UBE2L3: variants seen among roughly 807,000 people sequenced by gnomAD.
The protein encoded by UBE2L3 is ubiquitin-conjugating enzyme E2 L3.
Under a neutral mutation model 17.8 loss-of-function variants are expected in UBE2L3, and 1 was observed. The observed-to-expected ratio is 0.06, with a 90% CI of 0.02 to 0.27. UBE2L3 has a LOEUF of 0.27. UBE2L3 is among the 10% of genes least tolerant of loss of function. The pLI is 1.00. For synonymous variants in UBE2L3, 44 were observed against 68.5 expected, an observed-to-expected ratio of 0.64 and a Z score of 1.76; for missense variants, 40 against 192.6, an observed-to-expected ratio of 0.21 and a Z score of 4.69.
chr22:21,618,329 C>T (rs1265835776), intron 3 of UBE2L3, among the ~76,000 whole-genome samples: 3 of 151,412 alleles, frequency 2.0e-5, no homozygotes, highest in South Asian at 2.1e-4. Context: ...CTTTGGGAGG[C>T]GGAGGCAGGT....
At chr22:21,608,085 CA>C (rs1161233006) in intron 2 of UBE2L3, among the ~76,000 whole-genome samples, 4 of 152,150 alleles carry the variant, frequency 2.6e-5, no homozygotes, top group Non-Finnish European at 5.9e-5. Flanking sequence ...AAGAAAACAA[CA>C]ATAAATAACA....
At chr22:21,572,279 C>A (rs1927010630) in intron 1 of UBE2L3, among the ~76,000 whole-genome samples, 1 of 151,650 alleles carries the variant, frequency 6.6e-6, no homozygotes, top group African/African-American at 2.4e-5. Context: ...ACTAAAAATC[C>A]AAAAAATTAG....
At chr22:21,605,434 G>A (rs139844063) in intron 2 of UBE2L3, among the ~76,000 whole-genome samples, 4 of 152,182 alleles carry the variant, frequency 2.6e-5, no homozygotes, top group African/African-American at 9.6e-5. Flanking sequence ...AGCCAGGATG[G>A]TCTCGATCTC....
At chr22:21,560,770 C>T (rs532696647) in intron 1 of UBE2L3, among the ~76,000 whole-genome samples, 369 of 150,126 alleles carry the variant, frequency 2.5e-3, no homozygotes, top group African/African-American at 8.6e-3. Context: ...TTCAATCACC[C>T]TCCTTCCTCT....
At chr22:21,588,465 T>TC (rs1405827467) in intron 1 of UBE2L3, among the ~76,000 whole-genome samples, 1 of 136,042 alleles carries the variant, frequency 7.4e-6, no homozygotes, top group African/African-American at 2.8e-5. Context: ...TCTTCTTTCT[T>TC]TTTTTTTTTT....
At chr22:21,557,428 A>C (rs1482674280) in intron 1 of UBE2L3, among the ~76,000 whole-genome samples, 4 of 152,274 alleles carry the variant, frequency 2.6e-5, no homozygotes, top group Non-Finnish European at 5.9e-5. Flanking sequence ...ATAAATAAAA[A>C]TAAATTAAAC....
chr22:21,608,207 C>T (rs1470741968), intron 2 of UBE2L3, among the ~76,000 whole-genome samples: 1 of 152,158 alleles, frequency 6.6e-6, no homozygotes, highest in Non-Finnish European at 1.5e-5. Context: ...ATGGTGCAGC[C>T]ACCTTGGAAG....
At chr22:21,587,845 G>A (rs1290457784) in intron 1 of UBE2L3, among the ~76,000 whole-genome samples, 2 of 152,160 alleles carry the variant, frequency 1.3e-5, no homozygotes, top group Non-Finnish European at 2.9e-5. Context: ...GGTTGAGTTT[G>A]GGGCATGGGT....
At position 21,592,728 on chromosome 22, in the gene UBE2L3, C is replaced by A. The variant is rs978121628; in HGVS notation, c.28-133C>A. ...CATGCCTCCTTAACCACTCCAAGCA[C>A]AGTTTAGTCCTCACTGTCCAATTTT... On this transcript the variant is annotated intron_variant, in intron 1 of 3. Transcript: ENST00000342192. The A allele has an allele frequency of 2.8e-5, 20 of 715,676 alleles. No individual in the cohort carries two copies. The African/African-American group carries it at 3.3e-4, about 12-fold the overall frequency. The allele number at this position is 715,676 out of a possible 1,614,324, so 44.3% of individuals were successfully genotyped here.
At position 21,604,596 on chromosome 22, in the gene UBE2L3, A is replaced by AT. The variant is rs538946497; in HGVS notation, c.124-6255dup. 7.2e-5 allele frequency among the ~76,000 whole-genome samples: 11 copies of AT among 152,226 alleles called. No homozygotes were observed. In the East Asian group the frequency reaches 1.5e-3, roughly 21 times the overall value. On this transcript the variant is annotated intron_variant, in intron 2 of 3. Transcript: ENST00000342192. ...TTCTGCAATGTTTTATAATATATAT[A>AT]TTTTTTACAACAAAACCATGTTTTT...
chr22:21,564,716 C>T (rs1291108176), upstream of UBE2L3, among the ~76,000 whole-genome samples: 1 of 152,212 alleles, frequency 6.6e-6, no homozygotes, highest in African/African-American at 2.4e-5. Flanking sequence ...ATGAACTGTG[C>T]TTCCTCAACT....
At chr22:21,567,670 TC>T (rs1159457541), upstream of UBE2L3, 38 of 1,550,650 alleles carry the variant, frequency 2.5e-5, no homozygotes, top group Non-Finnish European at 3.1e-5. Flanking sequence ...CCTCCCCCGC[TC>T]CAGGAAGTGC....
At chr22:21,591,455 G>A (rs1417043966) in intron 1 of UBE2L3, among the ~76,000 whole-genome samples, 1 of 152,224 alleles carries the variant, frequency 6.6e-6, no homozygotes, top group East Asian at 1.9e-4. Flanking sequence ...TGAAGCACCA[G>A]TGTGTTCCAC....
intron 2 of UBE2L3, among the ~76,000 whole-genome samples, chr22:21,594,030 C>T (rs1053622071): frequency 4.6e-5 from 7 of 152,168 alleles, no homozygotes; most frequent in South Asian, 2.1e-4. Flanking sequence ...GTCCACCAGG[C>T]GGCCTCACTT....
intron 1 of UBE2L3, among the ~76,000 whole-genome samples, chr22:21,582,616 C>T (rs1927706656): frequency 6.6e-6 from 1 of 152,166 alleles, no homozygotes; most frequent in Non-Finnish European, 1.5e-5. Flanking sequence ...ACCTCTGCCT[C>T]ATGGGTTCAA....
chr22:21,588,633 C>T (rs2148418393), intron 1 of UBE2L3, among the ~76,000 whole-genome samples: 1 of 151,742 alleles, frequency 6.6e-6, no homozygotes, highest in South Asian at 2.1e-4. Flanking sequence ...GCATGTACCA[C>T]CATGCCTGGC....
In UBE2L3 at chr22:21,618,580, A is replaced by AAT. The variant is rs547915475; in HGVS notation, c.311-2922_311-2921dup. On this transcript the variant is annotated intron_variant, in intron 3 of 3. Transcript: ENST00000342192. The stretch of plus-strand genomic sequence containing the variant: ...GACAGAGCGAGACTCCATCTCAAAA[A>AAT]ATATATATATATATTATTTTTTTTT... Among the ~76,000 whole-genome samples, 73 of 150,890 alleles carry AAT rather than the reference A, an allele frequency of 4.8e-4. 1 individual carries two copies. Among genetic ancestry groups the AAT allele is most frequent in the South Asian group, 2.3e-3 (11 of 4,784 alleles).
upstream of UBE2L3, among the ~76,000 whole-genome samples, chr22:21,566,750 C>G (rs1345232198): frequency 6.6e-6 from 1 of 152,044 alleles, no homozygotes; most frequent in African/African-American, 2.4e-5. Flanking sequence ...ATTCTGGACA[C>G]TGAGACAGCC....
upstream of UBE2L3, among the ~76,000 whole-genome samples, chr22:21,566,771 C>T (rs1052188991): frequency 6.6e-6 from 1 of 151,984 alleles, no homozygotes; most frequent in Non-Finnish European, 1.5e-5. Context: ...TCATGGTCTT[C>T]GCCAGTGCTG....
Sources: allele counts gnomAD v4.1 joint callset (sites outside exome capture counted in the v4.1 genomes callset), GRCh38; gene constraint gnomAD v4.1.1; transcripts MANE v1.5; gene names NCBI Gene and HGNC (gene_info 2026-07-23, HGNC 2026-07-21).